ERGIC1: variants seen among roughly 807,000 people sequenced by gnomAD.
The protein encoded by ERGIC1 is endoplasmic reticulum-golgi intermediate compartment 1.
ERGIC1 carries 19 observed loss-of-function variants against 38.3 expected under a neutral mutation model. The ratio of observed to expected loss-of-function variants is 0.50; its 90% CI spans 0.35 to 0.73. The LOEUF (loss-of-function observed/expected upper bound fraction) is 0.73. ERGIC1 is among the 30% of genes least tolerant of loss of function. The pLI, the probability that ERGIC1 is intolerant of heterozygous loss-of-function variation, is 0.01. For missense variants in ERGIC1, 294 were observed against 389.2 expected (o/e 0.76, Z 2.06); for synonymous variants, 124 against 157.6 (o/e 0.79, Z 1.60).
chr5:172,893,989 CAG>C (rs201641181), intron 2 of ERGIC1, among the ~76,000 whole-genome samples: 3,589 of 130,762 alleles, frequency 0.027, 84 homozygotes, highest in Middle Eastern at 0.075. Flanking sequence ...GAAACTGTAA[CAG>C]GGAATCGGGG....
intron 1 of ERGIC1, among the ~76,000 whole-genome samples, chr5:172,881,832 C>T (rs1282560741): frequency 6.6e-6 from 1 of 152,238 alleles, no homozygotes; most frequent in Non-Finnish European, 1.5e-5. Context: ...ACATGCTGGT[C>T]GAAGGCCTCT....
At chr5:172,864,439 T>G (rs1199190918) in intron 1 of ERGIC1, among the ~76,000 whole-genome samples, 1 of 151,872 alleles carries the variant, frequency 6.6e-6, no homozygotes, top group Non-Finnish European at 1.5e-5. Flanking sequence ...TGGCTGATTT[T>G]TGTATTTTCA....
chr5:172,910,515 T>G (rs1263875391), intron 4 of ERGIC1, among the ~76,000 whole-genome samples: 3 of 95,426 alleles, frequency 3.1e-5, no homozygotes, highest in East Asian at 2.2e-4. Flanking sequence ...AAGAATGAAT[T>G]ACTTCTTTTT....
intron 5 of ERGIC1, among the ~76,000 whole-genome samples, chr5:172,922,927 G>A (rs1763559633): frequency 6.6e-6 from 1 of 152,212 alleles, no homozygotes; most frequent in African/African-American, 2.4e-5. Flanking sequence ...ATGAAGAGAC[G>A]ACCTTGGACC....
chr5:172,857,874 G>A (rs578228398), intron 1 of ERGIC1, among the ~76,000 whole-genome samples: 63 of 151,932 alleles, frequency 4.1e-4, no homozygotes, highest in African/African-American at 1.1e-3. Context: ...CTGTTCATTC[G>A]CTCATTCATT....
chr5:172,858,524 A>T (rs1425467008), intron 1 of ERGIC1, among the ~76,000 whole-genome samples: 1 of 152,200 alleles, frequency 6.6e-6, no homozygotes. Flanking sequence ...ATTTGCACTT[A>T]GTCCTGAATC....
At chr5:172,917,487 C>G (rs1303195820) in intron 5 of ERGIC1, 2 of 152,116 alleles carry the variant, frequency 1.3e-5, no homozygotes, top group Admixed American at 6.6e-5. Context: ...CTCAGGCCCC[C>G]CTAAGACCCA....
intron 1 of ERGIC1, among the ~76,000 whole-genome samples, chr5:172,860,211 C>T (rs1407234441): frequency 1.3e-5 from 2 of 152,230 alleles, no homozygotes; most frequent in African/African-American, 4.8e-5. Flanking sequence ...CAAGTGGGCT[C>T]ATCAGTTCCC....
intron 9 of ERGIC1, among the ~76,000 whole-genome samples, chr5:172,939,685 T>C (rs1032559938): frequency 6.6e-6 from 1 of 152,196 alleles, no homozygotes; most frequent in Admixed American, 6.5e-5. Flanking sequence ...CCTCCTGACA[T>C]CATTAGCCTG....
intron 9 of ERGIC1, among the ~76,000 whole-genome samples, chr5:172,943,992 G>A (rs1764065523): frequency 6.6e-6 from 1 of 152,218 alleles, no homozygotes; most frequent in Non-Finnish European, 1.5e-5. Flanking sequence ...CACAGTGGAA[G>A]GCCAAGAAGC....
intron 2 of ERGIC1, 55 bp downstream of exon 2, chr5:172,888,815 G>A: frequency 2.0e-6 from 3 of 1,463,436 alleles, no homozygotes; most frequent in Non-Finnish European, 2.9e-6. Context: ...GCCTGTGCCT[G>A]CTCTCTCTGT....
chr5:172,939,073 A>AT (rs1173594885), intron 9 of ERGIC1, among the ~76,000 whole-genome samples: 1 of 151,854 alleles, frequency 6.6e-6, no homozygotes, highest in Admixed American at 6.6e-5. Context: ...AAAAAAAAAA[A>AT]GAAAAAAGAA....
intron 1 of ERGIC1, among the ~76,000 whole-genome samples, chr5:172,852,374 C>G (rs1479481492): frequency 1.3e-5 from 2 of 152,164 alleles, no homozygotes; most frequent in Non-Finnish European, 2.9e-5. Flanking sequence ...TCTCCTGGCT[C>G]TAACTCAGAC....
At chr5:172,931,550 T>C (rs1453109557) in intron 7 of ERGIC1, among the ~76,000 whole-genome samples, 2 of 152,236 alleles carry the variant, frequency 1.3e-5, no homozygotes, top group Non-Finnish European at 2.9e-5. Flanking sequence ...CAGTGCTTCA[T>C]TGGTGCAGTT....
Position 172,834,356 on chromosome 5 carries a change from C to T in ERGIC1, c.-58C>T, listed in dbSNP as rs1392424136. 6.4e-6 allele frequency: 8 copies of T among 1,251,586 alleles called. No homozygotes were observed. The South Asian group carries it at 2.3e-4, about 37-fold the overall frequency. 77.5% of individuals were successfully genotyped at this position (1,251,586 alleles called of 1,614,324 possible). On this transcript the variant is annotated 5_prime_UTR_variant, in exon 1 of 10. Transcript: ENST00000393784. This position sits in a 1 kb window ranked among gnomAD's most constrained non-coding sequence, Gnocchi z 4.1. ...AGGAGGCGTTGGCAGCGGGCTCGGA[C>T]CCACGCGGCGCCGCGGCCCGCCTGG...
rs1402145698 is a variant in ERGIC1, at chr5:172,935,218, A to C, written c.673A>C (p.Ile225Leu). 1.2e-6 allele frequency: 2 copies of C among 1,613,934 alleles called. No individual in the cohort carries two copies. Among genetic ancestry groups the C allele is most frequent in the Admixed American group, 3.3e-5 (2 of 59,994 alleles). ...EYVAYSHTGRIIPAIWFRYDL... is the reference protein window; with the variant it reads ...EYVAYSHTGRLIPAIWFRYDL... ...CGTCGCCTACAGCCACACGGGCCGC[A>C]TCATCCCTGCAATCTGGTTCCGCTA... is the stretch of plus-strand genomic sequence containing the variant. The change falls in exon 9 of 10, where the codon ATC becomes CTC. Residue 225 changes from isoleucine to leucine, a missense_variant. Coordinates refer to ENST00000393784, the MANE Select transcript of ERGIC1 (RefSeq NM_001031711.3).
intron 9 of ERGIC1, 95 bp downstream of exon 9, chr5:172,935,405 A>AG: frequency 6.5e-7 from 1 of 1,545,362 alleles, no homozygotes; most frequent in Non-Finnish European, 8.9e-7. Flanking sequence ...GTTCTCGCTG[A>AG]AACAGGAGGC....
Position 172,895,904 on chromosome 5 carries a change from C to T in ERGIC1, c.83-1098C>T, listed in dbSNP as rs148014329. Among the ~76,000 whole-genome samples, 1,178 of 152,060 alleles carry T rather than the reference C, an allele frequency of 7.7e-3. 9 individuals carry two copies. The highest frequency in any genetic ancestry group is 0.017 in the Middle Eastern group (5 of 294). On this transcript the variant is annotated intron_variant, in intron 2 of 9. Transcript: ENST00000393784. ...GGGGCTGGTGAGTGGAGTTGAGGGC[C>T]GGACTCTGGGGCACTTGTTATGTCC...
chr5:172,885,825 C>T (rs1762404524), intron 1 of ERGIC1, among the ~76,000 whole-genome samples: 1 of 152,222 alleles, frequency 6.6e-6, no homozygotes, highest in South Asian at 2.1e-4. Context: ...GGCCTCTCCG[C>T]TCAAATGGTC....
Sources: gnomAD v4.1 joint callset for allele counts (sites outside exome capture counted in the v4.1 genomes callset) on GRCh38, gnomAD v4.1.1 for gene constraint, Gnocchi (gnomAD v3.1) non-coding constraint, MANE v1.5 for transcripts, NCBI Gene and HGNC (gene_info 2026-07-23, HGNC 2026-07-21) for gene names.